GSK3B: variants seen among roughly 807,000 people sequenced by gnomAD.
GSK3B encodes glycogen synthase kinase-3 beta.
GSK3B carries 15 observed loss-of-function variants against 56.4 expected under a neutral mutation model. The observed-to-expected ratio is 0.27, with a 90% CI of 0.18 to 0.41. The LOEUF (loss-of-function observed/expected upper bound fraction) is 0.41. GSK3B is among the 10% of genes least tolerant of loss of function. GSK3B has a pLI of 1.00. For synonymous variants in GSK3B, 181 were observed against 188.9 expected (o/e 0.96, Z 0.34); for missense variants, 300 against 513.4 (o/e 0.58, Z 4.02).
rs115496198 is a variant in GSK3B, at chr3:119,972,138, G to A, written c.283-24787C>T. Among the ~76,000 whole-genome samples, 648 of 152,074 alleles carry A rather than the reference G, an allele frequency of 4.3e-3. 1 individual carries two copies. Among genetic ancestry groups the A allele is most frequent in the African/African-American group, 0.015 (613 of 41,510 alleles). Reference sequence around the variant, plus strand: ...TCTTAGCAATAATTAACCAATTTAGGTGTCTATATAGATAGCTGTTATACA... The same window carrying A: ...TCTTAGCAATAATTAACCAATTTAGATGTCTATATAGATAGCTGTTATACA... On this transcript the variant is annotated intron_variant, in intron 2 of 10. Coordinates refer to ENST00000264235, the MANE Select transcript of GSK3B (RefSeq NM_001146156.2).
chr3:119,861,999 C>T (rs895811190), intron 9 of GSK3B, among the ~76,000 whole-genome samples: 3 of 151,806 alleles, frequency 2.0e-5, no homozygotes, highest in Non-Finnish European at 4.4e-5. Flanking sequence ...ATTCTCCAAA[C>T]CCTCAAAAAC....
At chr3:120,053,379 A>C (rs1200600793) in intron 1 of GSK3B, among the ~76,000 whole-genome samples, 6 of 152,180 alleles carry the variant, frequency 3.9e-5, no homozygotes, top group Admixed American at 3.9e-4. Flanking sequence ...TACACTTTAC[A>C]GATGTAATCC....
chr3:120,077,047 A>G (rs551908911), intron 1 of GSK3B, among the ~76,000 whole-genome samples: 1 of 152,284 alleles, frequency 6.6e-6, no homozygotes, highest in Admixed American at 6.5e-5. Context: ...GTGTAGAGAA[A>G]AGAGAACCTC....
At chr3:119,915,536 TA>T (rs1488001138) in intron 5 of GSK3B, among the ~76,000 whole-genome samples, 3 of 152,112 alleles carry the variant, frequency 2.0e-5, no homozygotes, top group Non-Finnish European at 4.4e-5. Context: ...CTTGTGTATA[TA>T]TGTGTGTGTG....
chr3:119,960,474 G>C (rs1226151822), intron 2 of GSK3B, among the ~76,000 whole-genome samples: 2 of 152,060 alleles, frequency 1.3e-5, no homozygotes, highest in Admixed American at 6.6e-5. Context: ...GAGAATCTGA[G>C]GAAATTTGAA....
intron 10 of GSK3B, among the ~76,000 whole-genome samples, chr3:119,839,040 G>A (rs2055734304): frequency 6.6e-6 from 1 of 152,178 alleles, no homozygotes. Flanking sequence ...ATTTTCAAAG[G>A]TGAGAAAGAA....
chr3:119,892,503 C>T (rs1223312347), intron 7 of GSK3B, among the ~76,000 whole-genome samples: 12 of 152,154 alleles, frequency 7.9e-5, no homozygotes, highest in Admixed American at 3.3e-4. Context: ...AATGCTTCTG[C>T]CTTTGTATTC....
chr3:119,824,775 C>G lies in GSK3B; in HGVS notation c.*2013G>C. On this transcript the variant is annotated 3_prime_UTR_variant, in exon 11 of 11. Transcript: ENST00000264235. ...TGATATATCCAGAGGTTTGTGAAAC[C>G]CCTTTTGTGGCCCAAGACCTCAGCT... is the stretch of plus-strand genomic sequence containing the variant. 1 of 187,278 alleles carries G rather than the reference C, an allele frequency of 5.3e-6. No homozygotes were observed. Among genetic ancestry groups the G allele is most frequent in the Non-Finnish European group, 1.1e-5 (1 of 88,734 alleles). The allele number at this position is 187,278 out of a possible 1,614,324, so 11.6% of individuals were successfully genotyped here. A position where few individuals can be genotyped will look rare whatever the true frequency, so the allele number is the denominator to read the frequency against.
intron 1 of GSK3B, among the ~76,000 whole-genome samples, chr3:120,066,188 A>G (rs887927502): frequency 8.5e-5 from 13 of 152,168 alleles, no homozygotes; most frequent in Non-Finnish European, 1.9e-4. Flanking sequence ...GATCCTAAAA[A>G]CAACCACCAA....
In GSK3B at chr3:119,967,181, C is replaced by T. The variant is rs558259555; in HGVS notation, c.283-19830G>A. On this transcript the variant is annotated intron_variant, in intron 2 of 10. Coordinates refer to ENST00000264235, the MANE Select transcript of GSK3B (RefSeq NM_001146156.2). ...GCAACCTCCACCTCCCGGGTTCAAG[C>T]GATTCTCCTGCCTCAGCCTCTGAGT... 7.2e-5 allele frequency among the ~76,000 whole-genome samples: 11 copies of T among 152,036 alleles called. No individual in the cohort carries two copies. The South Asian group carries it at 1.0e-3, about 14-fold the overall frequency.
chr3:120,070,845 G>A (rs187545942), intron 1 of GSK3B, among the ~76,000 whole-genome samples: 136 of 152,234 alleles, frequency 8.9e-4, no homozygotes, highest in Non-Finnish European at 1.5e-3. Context: ...GTTCAAAAGG[G>A]CAAAAACTTA....
intron 1 of GSK3B, among the ~76,000 whole-genome samples, chr3:120,015,670 A>T (rs868602650): frequency 6.6e-6 from 1 of 150,838 alleles, no homozygotes; most frequent in Admixed American, 6.6e-5. Context: ...AAAAAAAAAA[A>T]AAAAAAAAAC....
chr3:120,015,649 CAAAAAAAA>C (rs61520236), intron 1 of GSK3B, among the ~76,000 whole-genome samples: 3 of 46,948 alleles, frequency 6.4e-5, no homozygotes, highest in Admixed American at 7.1e-4. Context: ...GACTCTGTCT[CAAAAAAAA>C]AAAAAAAAAA....
chr3:120,064,105 C>T (rs530936772), intron 1 of GSK3B, among the ~76,000 whole-genome samples: 4 of 151,896 alleles, frequency 2.6e-5, no homozygotes, highest in African/African-American at 9.6e-5. Context: ...TTCACAATAA[C>T]TTCAAAAATA....
intron 9 of GSK3B, among the ~76,000 whole-genome samples, chr3:119,855,771 T>G (rs377451921): frequency 6.6e-6 from 1 of 151,980 alleles, no homozygotes; most frequent in Non-Finnish European, 1.5e-5. Flanking sequence ...CAGATGGGAA[T>G]TGACCAATGA....
At chr3:120,079,184 G>GC (rs2058393513) in intron 1 of GSK3B, among the ~76,000 whole-genome samples, 1 of 147,430 alleles carries the variant, frequency 6.8e-6, no homozygotes, top group African/African-American at 2.5e-5. Flanking sequence ...TCAGCGATCC[G>GC]CCCCTCCTCA....
chr3:119,909,522 C>G (rs2056715500), intron 6 of GSK3B, among the ~76,000 whole-genome samples: 1 of 152,220 alleles, frequency 6.6e-6, no homozygotes, highest in South Asian at 2.1e-4. Context: ...CATGCTCTCT[C>G]TGTTCACTCC....
Position 119,966,867 on chromosome 3 carries a change from GA to G in GSK3B, c.283-19517del, listed in dbSNP as rs573356966. 1.3e-4 allele frequency among the ~76,000 whole-genome samples: 20 copies of G among 151,098 alleles called. No individual in the cohort carries two copies. The South Asian group carries it at 3.8e-3, about 28-fold the overall frequency. The stretch of plus-strand genomic sequence containing the variant: ...AACACACTGCAAAAGAACTTAAGAG[GA>G]AAAAAAATCCAAATATAATAACATC... On this transcript the variant is annotated intron_variant, in intron 2 of 10. Transcript: ENST00000264235.
At chr3:119,913,003 C>CA (rs2107454850) in intron 5 of GSK3B, among the ~76,000 whole-genome samples, 193 bp from the exon 6 acceptor site, 1 of 152,060 alleles carries the variant, frequency 6.6e-6, no homozygotes, top group African/African-American at 2.4e-5. Context: ...CCTTGCTCTG[C>CA]AAAAAAGAAT....
Sources: gnomAD v4.1 joint callset for allele counts (sites outside exome capture counted in the v4.1 genomes callset) on GRCh38, gnomAD v4.1.1 for gene constraint, MANE v1.5 for transcripts, NCBI Gene and HGNC (gene_info 2026-07-23, HGNC 2026-07-21) for gene names.